IGSF23: variants seen among roughly 807,000 people sequenced by gnomAD.
IGSF23 encodes immunoglobulin superfamily, member 23.
A neutral mutation model predicts 17.8 loss-of-function variants in IGSF23; 14 were observed. That is an observed-to-expected ratio of 0.79 (90% CI 0.52 to 1.23). IGSF23 has a LOEUF of 1.23. Ranked by LOEUF, IGSF23 falls within the 50% of genes most tolerant of loss-of-function variation. The probability of loss-of-function intolerance (pLI) is 0.00; values close to 1 mark genes in which losing one functional copy is unlikely to be tolerated. For synonymous variants in IGSF23, 85 were observed against 92.5 expected, an observed-to-expected ratio of 0.92 and a Z score of 0.46; for missense variants, 214 against 241.7, an observed-to-expected ratio of 0.89 and a Z score of 0.76.
chr19:44,614,215 G>T (rs1184419979), intron 1 of IGSF23, among the ~76,000 whole-genome samples: 1 of 152,126 alleles, frequency 6.6e-6, no homozygotes, highest in Non-Finnish European at 1.5e-5. Flanking sequence ...AGGAGAACAG[G>T]TCACCTACCC....
At chr19:44,629,268 T>A (rs1972717063) in intron 3 of IGSF23, among the ~76,000 whole-genome samples, 1 of 152,146 alleles carries the variant, frequency 6.6e-6, no homozygotes, top group South Asian at 2.1e-4. Context: ...TATCTTACCA[T>A]CAGCAAGGCA....
rs1327236821 is a variant in IGSF23 at position 44,620,341 on chromosome 19, T to TTTTGTGTG, written c.126-3365_126-3364insTTGTGTGT. 2.2e-5 allele frequency among the ~76,000 whole-genome samples: 3 copies of TTTTGTGTG among 139,400 alleles called. No individual in the cohort carries two copies. In the East Asian group the frequency reaches 6.6e-4, roughly 30 times the overall value. The allele number at this position is 139,400 out of a possible 152,430, so 91.5% of individuals were successfully genotyped here. A position where few individuals can be genotyped will look rare whatever the true frequency, so the allele number is the denominator to read the frequency against. The stretch of plus-strand genomic sequence containing the variant: ...TATTTCTGTGATTTGATGACTAATT[T>TTTTGTGTG]TGTGTGTGTGTGTGTGTGTGTGTGT... On this transcript the variant is annotated intron_variant, in intron 1 of 4. Coordinates refer to ENST00000402988, the MANE Select transcript of IGSF23 (RefSeq NM_001205280.2).
intron 1 of IGSF23, among the ~76,000 whole-genome samples, chr19:44,617,219 T>C (rs184247444): frequency 0.012 from 1,487 of 120,954 alleles, 29 homozygotes; most frequent in African/African-American, 0.047. Context: ...CCTACTCTTA[T>C]ATTAAAAAAA....
intron 3 of IGSF23, among the ~76,000 whole-genome samples, chr19:44,629,484 C>T (rs1041799647): frequency 2.6e-5 from 4 of 151,900 alleles, no homozygotes; most frequent in African/African-American, 9.7e-5. Flanking sequence ...ATTGCTTGAG[C>T]CCAGGAATTT....
chr19:44,636,480 C>G lies in IGSF23; in HGVS notation c.*93C>G, dbSNP rs1240305993. 2.0e-5 allele frequency: 3 copies of G among 152,206 alleles called. No homozygotes were observed. The highest frequency in any genetic ancestry group is 2.9e-5 in the Non-Finnish European group (2 of 68,052). The allele number at this position is 152,206 out of a possible 1,614,324, so 9.4% of individuals were successfully genotyped here. A position where few individuals can be genotyped will look rare whatever the true frequency, so the allele number is the denominator to read the frequency against. ...AAAACCCATCCCATAGCTTCCAAGT[C>G]TACAACATCTCTGTTCAAGGGAACA... On this transcript the variant is annotated 3_prime_UTR_variant, in exon 5 of 5. Coordinates refer to ENST00000402988, the MANE Select transcript of IGSF23 (RefSeq NM_001205280.2).
intron 3 of IGSF23, among the ~76,000 whole-genome samples, chr19:44,628,715 T>C (rs1972706944): frequency 6.6e-6 from 1 of 152,106 alleles, no homozygotes; most frequent in African/African-American, 2.4e-5. Flanking sequence ...ATCATGCCAC[T>C]GCACTCCACA....
intron 3 of IGSF23, among the ~76,000 whole-genome samples, chr19:44,633,846 C>T (rs1431625085): frequency 6.6e-6 from 1 of 152,114 alleles, no homozygotes; most frequent in African/African-American, 2.4e-5. Flanking sequence ...TTCACTTTTC[C>T]CCATTCCCAC....
chr19:44,627,805 AACTT>A (rs1265872171), intron 3 of IGSF23, among the ~76,000 whole-genome samples: 1 of 152,180 alleles, frequency 6.6e-6, no homozygotes, highest in Non-Finnish European at 1.5e-5. Flanking sequence ...CCAGCTCTGT[AACTT>A]ACTAGCAGTG....
intron 1 of IGSF23, among the ~76,000 whole-genome samples, chr19:44,621,613 C>A (rs1972523535): frequency 6.6e-6 from 1 of 151,400 alleles, no homozygotes; most frequent in Admixed American, 6.6e-5. Flanking sequence ...AGTGACAGAA[C>A]AAGACCCTGT....
At chr19:44,625,007 C>A (rs1394289871) in intron 2 of IGSF23, among the ~76,000 whole-genome samples, 1 of 151,676 alleles carries the variant, frequency 6.6e-6, no homozygotes, top group African/African-American at 2.4e-5. Flanking sequence ...TTTAAGGCTA[C>A]AGTGAGCTGT....
chr19:44,635,337 G>A (rs1185698285), intron 3 of IGSF23, 64 bp from the exon 4 acceptor site: 21 of 1,268,766 alleles, frequency 1.7e-5, no homozygotes, highest in East Asian at 1.0e-4. Context: ...TAATTCAGTC[G>A]ATGATTCTTA....
chr19:44,632,133 T>G (rs1278567048), intron 3 of IGSF23: 1 of 371,454 alleles, frequency 2.7e-6, no homozygotes, highest in Non-Finnish European at 5.2e-6. Flanking sequence ...AGGTTCAATT[T>G]TGTTACAGAT....
chr19:44,627,530 G>A lies in IGSF23; in HGVS notation c.502G>A (p.Ala168Thr). 1.3e-6 allele frequency: 2 copies of A among 1,550,512 alleles called. No homozygotes were observed. The highest frequency in any genetic ancestry group is 1.7e-6 in the Non-Finnish European group (2 of 1,146,958). ...LLAAGILGAGALIAGMCFIII... is the reference protein window; with the variant it reads ...LLAAGILGAGTLIAGMCFIII... ...TGCGGCTGGGATCCTGGGAGCCGGG[G>A]CACTGATTGCAGGCATGTGTTTCAT... The change falls in exon 3 of 5, where the codon GCA becomes ACA. Residue 168 changes from alanine to threonine, a missense_variant. Transcript: ENST00000402988.
intron 1 of IGSF23, among the ~76,000 whole-genome samples, chr19:44,623,322 T>C (rs776737863): frequency 4.6e-5 from 7 of 152,228 alleles, no homozygotes; most frequent in Non-Finnish European, 7.3e-5. Flanking sequence ...TGGTGTGGAA[T>C]GACTCTGCAG....
At chr19:44,626,920 CAA>C (rs35293009) in intron 2 of IGSF23, among the ~76,000 whole-genome samples, 43 of 103,834 alleles carry the variant, frequency 4.1e-4, no homozygotes, top group Admixed American at 2.9e-4. Context: ...GACTCTGTCT[CAA>C]AAAAAAAAAA....
intron 3 of IGSF23, among the ~76,000 whole-genome samples, chr19:44,629,055 G>A (rs919667428): frequency 2.6e-5 from 4 of 152,178 alleles, no homozygotes; most frequent in African/African-American, 4.8e-5. Flanking sequence ...TGAAGAATGG[G>A]CAGAGAAGTA....
intron 3 of IGSF23, chr19:44,632,651 A>G (rs1568491257): frequency 6.5e-6 from 1 of 153,240 alleles, no homozygotes; most frequent in Non-Finnish European, 1.5e-5. Flanking sequence ...CAACACCCCA[A>G]GTTATTATTT....
intron 1 of IGSF23, 166 bp downstream of exon 1, chr19:44,613,936 T>C: frequency 6.5e-7 from 1 of 1,545,704 alleles, no homozygotes; most frequent in South Asian, 1.2e-5. Flanking sequence ...AGATGAGGGG[T>C]CCTCTGGACG....
intron 1 of IGSF23, 162 bp downstream of exon 1, chr19:44,613,932 G>A: frequency 6.5e-7 from 1 of 1,546,642 alleles, no homozygotes; most frequent in Non-Finnish European, 8.7e-7. Flanking sequence ...CACGAGATGA[G>A]GGGTCCTCTG....
Sources: allele counts gnomAD v4.1 joint callset (sites outside exome capture counted in the v4.1 genomes callset), GRCh38; gene constraint gnomAD v4.1.1; transcripts MANE v1.5; gene names NCBI Gene and HGNC (gene_info 2026-07-23, HGNC 2026-07-21).